The following SHC2 variants were observed in gnomAD, a reference collection of about 807,000 sequenced individuals.
The protein encoded by SHC2 is SHC adaptor protein 2.
Under a neutral mutation model 60.6 loss-of-function variants are expected in SHC2, and 62 were observed. That is an observed-to-expected ratio of 1.02 (90% CI 0.83 to 1.26). SHC2 has a LOEUF of 1.26. Among genes scored for constraint, SHC2 ranks in the 50% most tolerant of loss-of-function variants. The pLI is 0.00. For missense variants in SHC2, 873 were observed against 822.2 expected, an observed-to-expected ratio of 1.06 and a Z score of -0.76; for synonymous variants, 375 against 372.4, an observed-to-expected ratio of 1.01 and a Z score of -0.08.
intron 1 of SHC2, among the ~76,000 whole-genome samples, chr19:459,801 A>C (rs747932189): frequency 4.1e-4 from 62 of 152,152 alleles, no homozygotes; most frequent in Non-Finnish European, 8.2e-4. Context: ...ATTTTCCCAG[A>C]CGCCGTAATG....
intron 9 of SHC2, among the ~76,000 whole-genome samples, chr19:429,059 C>G (rs1302682122): frequency 1.4e-5 from 2 of 138,970 alleles, no homozygotes; most frequent in African/African-American, 2.8e-5. Flanking sequence ...TATATCCCAA[C>G]ATGCACAGAA....
chr19:449,224 G>T (rs1975119374), intron 1 of SHC2, among the ~76,000 whole-genome samples: 1 of 152,024 alleles, frequency 6.6e-6, no homozygotes, highest in South Asian at 2.1e-4. Context: ...ACACAGCTGT[G>T]GTCCCAGCAG....
chr19:448,041 C>T (rs10415532), intron 1 of SHC2, among the ~76,000 whole-genome samples: 14,839 of 152,218 alleles, frequency 0.097, 1,598 homozygotes, highest in East Asian at 0.29. Flanking sequence ...GGGGAGGCCG[C>T]AGGCAGCGCT....
intron 9 of SHC2, among the ~76,000 whole-genome samples, chr19:426,391 C>CA (rs1974418101): frequency 7.6e-6 from 1 of 131,046 alleles, no homozygotes; most frequent in South Asian, 2.7e-4. Flanking sequence ...GAGGACGACA[C>CA]CGAGAGGGGC....
At chr19:439,906 G>A (rs556503994) in intron 2 of SHC2, among the ~76,000 whole-genome samples, 1 of 151,622 alleles carries the variant, frequency 6.6e-6, no homozygotes, top group Non-Finnish European at 1.5e-5. Context: ...GGCGCCTGTA[G>A]TCCCAGCTAC....
intron 5 of SHC2, 46 bp downstream of exon 5, chr19:436,584 G>A (rs1276705201): frequency 4.4e-6 from 7 of 1,592,856 alleles, no homozygotes; most frequent in Non-Finnish European, 5.1e-6. Context: ...CTCGCGGCCG[G>A]AGGGGGGCGG....
At chr19:429,972 C>T (rs1237890805) in intron 9 of SHC2, among the ~76,000 whole-genome samples, 19 of 146,992 alleles carry the variant, frequency 1.3e-4, no homozygotes, top group African/African-American at 3.3e-4. Context: ...ATGTGGATGA[C>T]GCAGTACCTA....
At position 424,975 on chromosome 19, in the gene SHC2, G is replaced by C; in HGVS notation, c.1309+122C>G. On this transcript the variant is annotated intron_variant, in intron 10 of 12. Coordinates refer to ENST00000264554, the MANE Select transcript of SHC2 (RefSeq NM_012435.3). The surrounding 1 kb of genome is among the most constrained non-coding windows in gnomAD (Gnocchi z 4.5). ...CCCGTCGACTTGAAGGATCTCACGG[G>C]GAGAAGGGAGCCTCCCCCATCAGAC... 1.8e-6 allele frequency: 2 copies of C among 1,105,984 alleles called. No individual in the cohort carries two copies. The highest frequency in any genetic ancestry group is 1.2e-6 in the Non-Finnish European group (1 of 833,456). 68.5% of individuals were successfully genotyped at this position (1,105,984 alleles called of 1,614,324 possible).
chr19:453,127 T>C lies in SHC2; in HGVS notation c.468+7402A>G, dbSNP rs887498. ...TGCAGAGGACGGCGGCACAGAAAGA[T>C]GGGAGAGACTGTGGTCACACCGTCC... On this transcript the variant is annotated intron_variant, in intron 1 of 12. Coordinates refer to ENST00000264554, the MANE Select transcript of SHC2 (RefSeq NM_012435.3). This position sits in a 1 kb window ranked among gnomAD's most constrained non-coding sequence, Gnocchi z 6.3. The C allele has an allele frequency of 0.86, 131,093 of 152,194 alleles. 56,620 individuals are homozygous for C. Among genetic ancestry groups the C allele is most frequent in the East Asian group, 0.96 (4,977 of 5,168 alleles). The allele number at this position is 152,194 out of a possible 1,614,324, so 9.4% of individuals were successfully genotyped here.
intron 9 of SHC2, among the ~76,000 whole-genome samples, chr19:429,198 ATATCCAACATGCAG>A (rs1336402464): frequency 1.1e-4 from 16 of 147,678 alleles, no homozygotes; most frequent in Non-Finnish European, 2.4e-4. Flanking sequence ...CGCAGTACCT[ATATCCAACATGCAG>A]AGAAACCTAA....
chr19:450,442 C>A (rs539276614), intron 1 of SHC2, among the ~76,000 whole-genome samples: 1 of 152,180 alleles, frequency 6.6e-6, no homozygotes, highest in Non-Finnish European at 1.5e-5. Context: ...CCACCACCAC[C>A]GTCTCTCCAG....
intron 1 of SHC2, among the ~76,000 whole-genome samples, chr19:452,662 T>G (rs1034480929): frequency 3.9e-5 from 6 of 152,184 alleles, no homozygotes; most frequent in African/African-American, 1.4e-4. Flanking sequence ...CAGGTACACT[T>G]GGGTTTCATT....
chr19:447,443 C>T (rs1439150826), intron 1 of SHC2, among the ~76,000 whole-genome samples: 1 of 152,212 alleles, frequency 6.6e-6, no homozygotes, highest in East Asian at 1.9e-4. Context: ...ACAGTTTAAA[C>T]AGTTGGGATT....
rs1975532829 is a variant in SHC2 at position 460,814 on chromosome 19, G to A, written c.183C>T (p.Asp61=). ...ARAAGASGGA[D]PQPEPAGPGG... ...CCGGGCCCGCCGGCTCGGGTTGGGG[G>A]TCCGCGCCCCCCGAGGCCCCAGCCG... Residue 61 remains aspartate, a synonymous_variant, in exon 1 of 13, where the codon GAC becomes GAT. Coordinates refer to ENST00000264554, the MANE Select transcript of SHC2 (RefSeq NM_012435.3). The A allele has an allele frequency of 7.1e-6, 7 of 980,644 alleles. No homozygotes were observed. The highest frequency in any genetic ancestry group is 6.4e-5 in the Admixed American group (1 of 15,738). The allele number at this position is 980,644 out of a possible 1,614,324, so 60.7% of individuals were successfully genotyped here.
Position 416,680 on chromosome 19 carries a change from G to A in SHC2, c.*648C>T, listed in dbSNP as rs1011065913. 2 of 152,230 alleles carry A rather than the reference G, an allele frequency of 1.3e-5. No homozygotes were observed. Among genetic ancestry groups the A allele is most frequent in the Non-Finnish European group, 2.9e-5 (2 of 68,068 alleles). 9.4% of individuals were successfully genotyped at this position (152,230 alleles called of 1,614,324 possible). A position where few individuals can be genotyped will look rare whatever the true frequency, so the allele number is the denominator to read the frequency against. The stretch of plus-strand genomic sequence containing the variant: ...AGGGCAGGACTGGGGGGAAGCTGCT[G>A]GGCGCAGCCCAGGCCAGGCAACCAC... On this transcript the variant is annotated 3_prime_UTR_variant, in exon 13 of 13. Transcript: ENST00000264554.
intron 1 of SHC2, among the ~76,000 whole-genome samples, chr19:454,838 G>A (rs1166528921): frequency 6.6e-6 from 1 of 151,722 alleles, no homozygotes; most frequent in East Asian, 1.9e-4. Context: ...AGGCCTGAGG[G>A]CCGGAAGCCC....
In SHC2 at chr19:441,005, C is replaced by T; in HGVS notation, c.469-73G>A. 9 of 1,549,136 alleles carry T rather than the reference C, an allele frequency of 5.8e-6. No homozygotes were observed. Among genetic ancestry groups the T allele is most frequent in the South Asian group, 1.1e-5 (1 of 89,340 alleles). ...GAGCCACGTCCCTTTTCCCAGCAGC[C>T]CTTCGCCGCCTCCACCACCCCTGGG... On this transcript the variant is annotated intron_variant, in intron 1 of 12. Coordinates refer to ENST00000264554, the MANE Select transcript of SHC2 (RefSeq NM_012435.3). This position sits in a 1 kb window ranked among gnomAD's most constrained non-coding sequence, Gnocchi z 4.9.
At chr19:451,422 T>G (rs1228502007) in intron 1 of SHC2, among the ~76,000 whole-genome samples, 1 of 152,248 alleles carries the variant, frequency 6.6e-6, no homozygotes, top group Non-Finnish European at 1.5e-5. Context: ...GCTGTGTTGA[T>G]CCACTCATCC....
chr19:451,438 C>G (rs976634401), intron 1 of SHC2, among the ~76,000 whole-genome samples: 35 of 152,240 alleles, frequency 2.3e-4, no homozygotes, highest in African/African-American at 8.0e-4. Flanking sequence ...CATCCATCAA[C>G]AGACACCTGG....
Sources: gnomAD v4.1 joint callset for allele counts (sites outside exome capture counted in the v4.1 genomes callset) on GRCh38, gnomAD v4.1.1 for gene constraint, Gnocchi (gnomAD v3.1) non-coding constraint, MANE v1.5 for transcripts, NCBI Gene and HGNC (gene_info 2026-07-23, HGNC 2026-07-21) for gene names.